The following IPO9 variants were observed in gnomAD, a reference collection of about 807,000 sequenced individuals.
The protein encoded by IPO9 is importin 9, also known as importin-9.
IPO9 carries 28 observed loss-of-function variants against 128.6 expected under a neutral mutation model. The observed-to-expected ratio is 0.22, with a 90% confidence interval of 0.16 to 0.30. The LOEUF is 0.30. Ranked by LOEUF, IPO9 falls within the 10% of genes least tolerant of loss-of-function variation. IPO9 has a pLI of 1.00. For synonymous variants in IPO9, 455 were observed against 475.8 expected, an observed-to-expected ratio of 0.96 and a Z score of 0.57; for missense variants, 935 against 1,293.9, an observed-to-expected ratio of 0.72 and a Z score of 4.26.
At chr1:201,832,857 A>G (rs753927982) in intron 1 of IPO9, among the ~76,000 whole-genome samples, 27 of 152,248 alleles carry the variant, frequency 1.8e-4, no homozygotes, top group Non-Finnish European at 3.2e-4. Context: ...TGTCTTGAAG[A>G]TTAAATGGAA....
At position 201,870,690 on chromosome 1, in the gene IPO9, G is replaced by A. The variant is rs150486242; in HGVS notation, c.2241G>A (p.Val747=). 2,737 of 1,614,236 alleles carry A rather than the reference G, an allele frequency of 1.7e-3. 5 individuals carry two copies. Among genetic ancestry groups the A allele is most frequent in the Non-Finnish European group, 2.2e-3 (2,572 of 1,180,042 alleles). Residue 747 remains valine, a synonymous_variant, in exon 18 of 24, where the codon GTG becomes GTA. Coordinates refer to ENST00000361565, the MANE Select transcript of IPO9 (RefSeq NM_018085.5). This position sits in a 1 kb window ranked among gnomAD's most constrained non-coding sequence, Gnocchi z 4.9. ...GACTGTGGTATGTGATGCAAGTGGT[G>A]AGCCAGCTCCTGGACCCCCGCACCT... is the stretch of plus-strand genomic sequence containing the variant. ...HNGLWYVMQV[V]SQLLDPRTSE...
intron 1 of IPO9, among the ~76,000 whole-genome samples, chr1:201,836,603 G>A (rs973817645): frequency 1.3e-5 from 2 of 149,336 alleles, no homozygotes; most frequent in African/African-American, 5.0e-5. Context: ...CATACTCCTT[G>A]GAAACAATTA....
intron 1 of IPO9, among the ~76,000 whole-genome samples, chr1:201,846,347 C>G (rs1321832010): frequency 6.6e-6 from 1 of 152,106 alleles, no homozygotes; most frequent in African/African-American, 2.4e-5. Context: ...AATAGATGGT[C>G]CCATGATATT....
intron 13 of IPO9, among the ~76,000 whole-genome samples, chr1:201,863,135 G>A (rs1365680105): frequency 1.3e-5 from 2 of 152,158 alleles, no homozygotes; most frequent in Non-Finnish European, 2.9e-5. Context: ...CAGATCACTT[G>A]AGGTCCAGAG....
At chr1:201,831,885 T>TTTGTTGTTGTTG (rs10646458) in intron 1 of IPO9, among the ~76,000 whole-genome samples, 4 of 150,698 alleles carry the variant, frequency 2.7e-5, no homozygotes, top group East Asian at 2.0e-4. Flanking sequence ...GTTTTTTGCT[T>TTTGTTGTTGTTG]TTGTTGTTGT....
intron 11 of IPO9, among the ~76,000 whole-genome samples, chr1:201,857,965 C>T (rs1680365409): frequency 6.6e-6 from 1 of 152,204 alleles, no homozygotes; most frequent in African/African-American, 2.4e-5. Flanking sequence ...AGAGTTGTCT[C>T]TAGGCTGAAA....
intron 1 of IPO9, among the ~76,000 whole-genome samples, chr1:201,843,003 A>G (rs1174258996): frequency 2.6e-5 from 4 of 152,162 alleles, no homozygotes; most frequent in Non-Finnish European, 5.9e-5. Context: ...CCTCTGAGCT[A>G]CTGTTTCTTC....
intron 1 of IPO9, among the ~76,000 whole-genome samples, chr1:201,830,638 G>T (rs1679816664): frequency 6.6e-6 from 1 of 152,190 alleles, no homozygotes; most frequent in Admixed American, 6.5e-5. Context: ...GGAATTTTTA[G>T]CGGCTTCTAA....
At position 201,852,266 on chromosome 1, in the gene IPO9, A is replaced by G. The variant is rs545094859; in HGVS notation, c.603+74A>G. ...CCCCCAGCCTTTCAGGTGGGAGATT[A>G]TGGTGTTTGCAACTGATCTCAATAC... On this transcript the variant is annotated intron_variant, in intron 5 of 23. Coordinates refer to ENST00000361565, the MANE Select transcript of IPO9 (RefSeq NM_018085.5). The G allele has an allele frequency of 2.9e-5, 27 of 923,796 alleles. 1 individual carries two copies. The South Asian group carries it at 3.3e-4, about 11-fold the overall frequency. The allele number at this position is 923,796 out of a possible 1,614,324, so 57.2% of individuals were successfully genotyped here.
chr1:201,865,724 A>G (rs756363632), intron 14 of IPO9, among the ~76,000 whole-genome samples: 31 of 152,328 alleles, frequency 2.0e-4, no homozygotes, highest in Admixed American at 9.2e-4. Flanking sequence ...GTCAGACTGT[A>G]TTCGCCTCAT....
intron 5 of IPO9, among the ~76,000 whole-genome samples, chr1:201,852,409 A>T (rs944995153): frequency 6.6e-6 from 1 of 152,230 alleles, no homozygotes; most frequent in Non-Finnish European, 1.5e-5. Flanking sequence ...ATTTCTTCAC[A>T]TATCGTACTT....
intron 1 of IPO9, among the ~76,000 whole-genome samples, chr1:201,838,490 G>T (rs1299298816): frequency 6.6e-6 from 1 of 152,144 alleles, no homozygotes; most frequent in Admixed American, 6.5e-5. Flanking sequence ...TGCTACAAAT[G>T]GGTTTTATAG....
At chr1:201,862,277 G>A (rs542339244) in intron 13 of IPO9, among the ~76,000 whole-genome samples, 1 of 152,246 alleles carries the variant, frequency 6.6e-6, no homozygotes, top group Non-Finnish European at 1.5e-5. Flanking sequence ...GGCCAACATG[G>A]TGAAACCCCC....
rs1491093316 is a variant in IPO9, at chr1:201,868,805, CCG to C, written c.2004+10_2004+11del. The stretch of plus-strand genomic sequence containing the variant: ...CTGCAGGGCTTTGTGCGGTAAGTGG[CCG>C]TGTGTGTGTGTGTGTGTGTGTGAGA... On this transcript the variant is annotated intron_variant, in intron 16 of 23. Coordinates refer to ENST00000361565, the MANE Select transcript of IPO9 (RefSeq NM_018085.5). 1.2e-5 allele frequency: 18 copies of C among 1,516,678 alleles called. No individual in the cohort carries two copies. The highest frequency in any genetic ancestry group is 1.1e-4 in the African/African-American group (6 of 55,876). 94.0% of individuals were successfully genotyped at this position (1,516,678 alleles called of 1,614,324 possible). A position where few individuals can be genotyped will look rare whatever the true frequency, so the allele number is the denominator to read the frequency against.
chr1:201,833,642 G>A (rs1679876972), intron 1 of IPO9, among the ~76,000 whole-genome samples: 1 of 152,070 alleles, frequency 6.6e-6, no homozygotes, highest in African/African-American at 2.4e-5. Flanking sequence ...TATTTAACAG[G>A]GCTAATTAGA....
At position 201,854,606 on chromosome 1, in the gene IPO9, A is replaced by C. The variant is rs751702813; in HGVS notation, c.702A>C (p.Lys234Asn). Residue 234 changes from lysine (K) to asparagine (N), a missense_variant, in exon 7 of 24, where the codon AAA (lysine) becomes AAC (asparagine). This residue lies in a region of IPO9 where 741 missense variants were observed against 1,019.1 expected (regional missense o/e 0.73). Transcript: ENST00000361565. ...GTTTCTGTTATCAGGGTGCAGCCAA[A>C]GTCCTGATCTTTCCCGTGGTACAGC... ...NMEELEKGAA[K>N]VLIFPVVQQF... The C allele has an allele frequency of 3.1e-6, 5 of 1,613,802 alleles. No homozygotes were observed. The South Asian group carries it at 5.5e-5, about 18-fold the overall frequency.
At chr1:201,843,034 C>G (rs1310336733) in intron 1 of IPO9, among the ~76,000 whole-genome samples, 1 of 152,106 alleles carries the variant, frequency 6.6e-6, no homozygotes, top group Non-Finnish European at 1.5e-5. Flanking sequence ...AGTACCCAAA[C>G]TTTTCCACCT....
At chr1:201,868,826 T>C (rs779494194) in intron 16 of IPO9, 30 bp downstream of exon 16, 1 of 1,537,814 alleles carries the variant, frequency 6.5e-7, no homozygotes, top group South Asian at 1.2e-5. Context: ...TGTGTGTGTG[T>C]GTGAGAGAGA....
chr1:201,846,818 C>T (rs1261393603), intron 1 of IPO9, among the ~76,000 whole-genome samples: 1 of 152,154 alleles, frequency 6.6e-6, no homozygotes, highest in African/African-American at 2.4e-5. Flanking sequence ...TACAGCCATG[C>T]ATCACCAAGC....
Sources: allele counts gnomAD v4.1 joint callset (sites outside exome capture counted in the v4.1 genomes callset), GRCh38; gene constraint gnomAD v4.1.1; regional missense constraint gnomAD v4.1.1; non-coding constraint Gnocchi (gnomAD v3.1); transcripts MANE v1.5; gene names NCBI Gene and HGNC (gene_info 2026-07-23, HGNC 2026-07-21).